NPHP3: variants seen among roughly 807,000 people sequenced by gnomAD.
The protein encoded by NPHP3 is nephrocystin-3.
A neutral mutation model predicts 171.9 loss-of-function variants in NPHP3; 123 were observed. That is an observed-to-expected ratio of 0.72 (90% CI 0.62 to 0.83). The LOEUF is 0.83. Among genes scored for constraint, NPHP3 ranks in the 40% least tolerant of loss-of-function variants. NPHP3 has a pLI of 0.00. For synonymous variants in NPHP3, 558 were observed against 579.2 expected (o/e 0.96, Z 0.52); for missense variants, 1,506 against 1,591.9 (o/e 0.95, Z 0.92).
At position 132,699,929 on chromosome 3, in the gene NPHP3, C is replaced by A. The variant is rs1193174889; in HGVS notation, c.1876G>T (p.Asp626Tyr). 1.2e-6 allele frequency: 2 copies of A among 1,614,078 alleles called. No individual in the cohort carries two copies. The highest frequency in any genetic ancestry group is 3.3e-5 in the Admixed American group (2 of 60,008). The change falls in exon 12 of 27, where the codon GAT (aspartate) becomes TAT (tyrosine). Residue 626 changes from aspartate (D) to tyrosine (Y), a missense_variant. Asp to Tyr is a radical substitution (Grantham distance 160). Around this residue, in one of 3 missense-constraint regions of NPHP3, gnomAD observed 930 missense variants for 924.9 expected, o/e 1.01. Coordinates refer to ENST00000337331, the MANE Select transcript of NPHP3 (RefSeq NM_153240.5). ...ATGGAAAACGGTACCTGAACTTGAT[C>A]TATAGAATCAATAACGATGATGATG... ...GSIIIVIDSI[D>Y]QVQQVEKHMK...
chr3:132,701,837 A>G (rs1939615679), intron 9 of NPHP3, among the ~76,000 whole-genome samples: 1 of 152,142 alleles, frequency 6.6e-6, no homozygotes, highest in African/African-American at 2.4e-5. Flanking sequence ...CCTGGCTAAC[A>G]CGGTGAAATC....
Position 132,681,597 on chromosome 3 carries a change from C to CTTA in NPHP3, c.*310_*312dup. 2 of 335,726 alleles carry CTTA rather than the reference C, an allele frequency of 6.0e-6. No homozygotes were observed. The highest frequency in any genetic ancestry group is 5.3e-5 in the South Asian group (2 of 38,038). The allele number at this position is 335,726 out of a possible 1,614,324, so 20.8% of individuals were successfully genotyped here. On this transcript the variant is annotated 3_prime_UTR_variant, in exon 27 of 27. Coordinates refer to ENST00000337331, the MANE Select transcript of NPHP3 (RefSeq NM_153240.5). ...TTCATGGAATTTTTGAACTCCTTGT[C>CTTA]TTAACTACTCTGCCAGCTCTTGTTG...
rs1208442263 is a variant in NPHP3 at position 132,718,978 on chromosome 3, T to C, written c.670+16A>G. 2 of 1,613,810 alleles carry C rather than the reference T, an allele frequency of 1.2e-6. No individual in the cohort carries two copies. The highest frequency in any genetic ancestry group is 8.5e-7 in the Non-Finnish European group (1 of 1,179,752). On this transcript the variant is annotated intron_variant, in intron 3 of 26. Coordinates refer to ENST00000337331, the MANE Select transcript of NPHP3 (RefSeq NM_153240.5). Reference sequence around the variant, plus strand: ...CCATGTTGAAAGCTCAAAATATAAATAGGATATACACTTACCAGTGACATC... The same window carrying C: ...CCATGTTGAAAGCTCAAAATATAAACAGGATATACACTTACCAGTGACATC...
intron 6 of NPHP3, among the ~76,000 whole-genome samples, chr3:132,709,626 A>G (rs1258160467): frequency 1.3e-5 from 2 of 152,074 alleles, no homozygotes; most frequent in Non-Finnish European, 2.9e-5. Flanking sequence ...CACTGCGACC[A>G]ATTCCCCTTT....
chr3:132,721,685 C>A, intron 1 of NPHP3: 2 of 635,738 alleles, frequency 3.1e-6, no homozygotes, highest in South Asian at 1.6e-5. Flanking sequence ...TCCTGTAATC[C>A]CAGAACTTTA....
At chr3:132,709,501 T>C (rs1277932297) in intron 6 of NPHP3, among the ~76,000 whole-genome samples, 1 of 152,124 alleles carries the variant, frequency 6.6e-6, no homozygotes, top group Non-Finnish European at 1.5e-5. Flanking sequence ...CAGGCAAGTC[T>C]TGAATTCCTG....
rs1262764918 is a variant in NPHP3 at position 132,687,233 on chromosome 3, A to C, written c.3126-7T>G. On this transcript the variant is annotated splice_region_variant and splice_polypyrimidine_tract_variant and intron_variant, in intron 21 of 26. Coordinates refer to ENST00000337331, the MANE Select transcript of NPHP3 (RefSeq NM_153240.5). Reference sequence around the variant, plus strand: ...ATGTTCAGCTTGTTCATATCTTAAAAAAAAATTACAGTAAGTCAAACAAAA... The same window carrying C: ...ATGTTCAGCTTGTTCATATCTTAAACAAAAATTACAGTAAGTCAAACAAAA... 5 of 1,181,258 alleles carry C rather than the reference A, an allele frequency of 4.2e-6. No homozygotes were observed. The highest frequency in any genetic ancestry group is 1.7e-5 in the Admixed American group (1 of 58,600). The allele number at this position is 1,181,258 out of a possible 1,614,324, so 73.2% of individuals were successfully genotyped here. A position where few individuals can be genotyped will look rare whatever the true frequency, so the allele number is the denominator to read the frequency against.
intron 1 of NPHP3, 68 bp from the exon 2 acceptor site, chr3:132,719,898 A>G: frequency 3.2e-6 from 2 of 628,986 alleles, no homozygotes; most frequent in Non-Finnish European, 4.4e-6. Flanking sequence ...ATTCTTATAT[A>G]TATACATATA....
rs1443121568 is a variant in NPHP3, at chr3:132,689,208, C to G, written c.2749G>C (p.Ala917Pro). 1 of 1,614,150 alleles carries G rather than the reference C, an allele frequency of 6.2e-7. No homozygotes were observed. Among genetic ancestry groups the G allele is most frequent in the Non-Finnish European group, 8.5e-7 (1 of 1,179,994 alleles). The change falls in exon 20 of 27, where the codon GCA becomes CCA. Residue 917 changes from alanine to proline, a missense_variant. Around this residue, in one of 3 missense-constraint regions of NPHP3, gnomAD observed 569 missense variants for 648.1 expected, o/e 0.88. Transcript: ENST00000337331. ...GAATCGAAGTATTCTGTTGCCATTG[C>G]ACTTTTGTCTTTGCCAACAAACTGC... ...YWQFVGKDKS[A>P]MATEYFDSLK...
chr3:132,697,505 T>C, intron 13 of NPHP3, 143 bp from the exon 14 acceptor site: 1 of 607,230 alleles, frequency 1.6e-6, no homozygotes, highest in Non-Finnish European at 2.8e-6. Context: ...CTATTAATCA[T>C]ATTAAGTAAT....
rs1217928367 is a variant in NPHP3, at chr3:132,722,132, T to C, written c.224A>G (p.Lys75Arg). The C allele has an allele frequency of 1.2e-6, 2 of 1,603,138 alleles. No individual in the cohort carries two copies. Among genetic ancestry groups the C allele is most frequent in the Admixed American group, 1.7e-5 (1 of 59,710 alleles). Residue 75 changes from lysine (K) to arginine (R), a missense_variant, in exon 1 of 27, where the codon AAG becomes AGG. Physicochemically the swap from Lys to Arg is conservative, Grantham distance 26. This residue lies in a region of NPHP3 where 930 missense variants were observed against 924.9 expected (regional missense o/e 1.01). Transcript: ENST00000337331. The stretch of plus-strand genomic sequence containing the variant: ...CTCTGGCACCGACGAGCCAGTGGAC[T>C]TGAAGCTGGCCCCCAGCAGCCCGCC... ...GAGGLLGASF[K>R]STGSSVPELE...
intron 17 of NPHP3, among the ~76,000 whole-genome samples, chr3:132,691,814 A>C (rs1939306911): frequency 6.6e-6 from 1 of 152,210 alleles, no homozygotes; most frequent in African/African-American, 2.4e-5. Flanking sequence ...GACCTCAATT[A>C]ATTTGCTTCA....
At position 132,701,464 on chromosome 3, in the gene NPHP3, G is replaced by T. The variant is rs1939603770; in HGVS notation, c.1594C>A (p.Pro532Thr). 1 of 1,613,514 alleles carries T rather than the reference G, an allele frequency of 6.2e-7. No individual in the cohort carries two copies. The highest frequency in any genetic ancestry group is 2.2e-5 in the East Asian group (1 of 44,876). Residue 532 changes from proline (P) to threonine (T), a missense_variant, in exon 10 of 27, where the codon CCA becomes ACA. Transcript: ENST00000337331. ...PIPPLLVSGG[P>T]GSGKSLLLSK... ...AAAAGAAGAGACTTCCCAGAACCTG[G>T]TCCTCCAGACACGAGAAGAGGTGGA...
In NPHP3 at chr3:132,688,761, T is replaced by C; in HGVS notation, c.3014A>G (p.Glu1005Gly). Residue 1005 changes from glutamate (E) to glycine (G), a missense_variant, in exon 21 of 27, where the codon GAA becomes GGA. Physicochemically the swap from Glu to Gly is moderately conservative, Grantham distance 98. This residue lies in a region of NPHP3 where 569 missense variants were observed against 648.1 expected (regional missense o/e 0.88). Coordinates refer to ENST00000337331, the MANE Select transcript of NPHP3 (RefSeq NM_153240.5). ...YVQWKKFGNA[E>G]QLYKQALEIS... Reference sequence around the variant, plus strand: ...TTCCAACGCCTGTTTATACAGTTGTTCTGCATTGCCAAACTTCTTCCACTG... The same window carrying C: ...TTCCAACGCCTGTTTATACAGTTGTCCTGCATTGCCAAACTTCTTCCACTG... The C allele has an allele frequency of 6.2e-7, 1 of 1,614,150 alleles. No homozygotes were observed.
At chr3:132,683,270 A>T (rs1450233828) in intron 25 of NPHP3, 129 bp downstream of exon 25, 2 of 873,352 alleles carry the variant, frequency 2.3e-6, no homozygotes, top group Non-Finnish European at 3.7e-6. Flanking sequence ...CTCAAGTACT[A>T]AAGGAAGTAT....
chr3:132,684,933 T>A, intron 23 of NPHP3, 139 bp from the exon 24 acceptor site: 1 of 1,029,474 alleles, frequency 9.7e-7, no homozygotes, highest in Non-Finnish European at 1.4e-6. Flanking sequence ...AAAATCTTAC[T>A]TTCCCCCTCT....
At position 132,722,111 on chromosome 3, in the gene NPHP3, G is replaced by T. The variant is rs886044434; in HGVS notation, c.245C>A (p.Pro82Gln). ...CTCGGCCGCCGCGTACTCCAGCTCT[G>T]GCACCGACGAGCCAGTGGACTTGAA... The part of the protein sequence containing the change: ...ASFKSTGSSV[P>Q]ELEYAAAEYE... Residue 82 changes from proline (P) to glutamine (Q), a missense_variant, in exon 1 of 27, where the codon CCA (proline) becomes CAA (glutamine). By Grantham distance (76) the Pro-to-Gln change is moderately conservative. This residue lies in a region of NPHP3 where 930 missense variants were observed against 924.9 expected (regional missense o/e 1.01). Coordinates refer to ENST00000337331, the MANE Select transcript of NPHP3 (RefSeq NM_153240.5). The T allele has an allele frequency of 1.9e-6, 3 of 1,606,378 alleles. No homozygotes were observed. The highest frequency in any genetic ancestry group is 1.7e-5 in the Admixed American group (1 of 59,980).
intron 16 of NPHP3, chr3:132,693,969 T>C (rs1018876583): frequency 8.6e-5 from 13 of 151,884 alleles, no homozygotes; most frequent in Non-Finnish European, 1.2e-4. Flanking sequence ...TTTAATTACA[T>C]AGCACTTAAT....
intron 23 of NPHP3, 98 bp downstream of exon 23, chr3:132,686,162 A>C: frequency 7.3e-7 from 1 of 1,362,532 alleles, no homozygotes; most frequent in Non-Finnish European, 1.0e-6. Flanking sequence ...GGTTTTTATC[A>C]TTTTTTTTCT....
Sources: gnomAD v4.1 joint callset for allele counts (sites outside exome capture counted in the v4.1 genomes callset) on GRCh38, gnomAD v4.1.1 for gene constraint, gnomAD v4.1.1 regional missense constraint, MANE v1.5 for transcripts, NCBI Gene and HGNC (gene_info 2026-07-23, HGNC 2026-07-21) for gene names.